Variants in C11orf71 observed in about 807,000 individuals in gnomAD.
The protein encoded by C11orf71 is uncharacterized protein C11orf71.
For missense variants in C11orf71, 179 were observed against 167.6 expected, an observed-to-expected ratio of 1.07 and a Z score of -0.38; for synonymous variants, 72 against 73.4, an observed-to-expected ratio of 0.98 and a Z score of 0.09.
rs777447012 is a variant in C11orf71 at position 114,399,990 on chromosome 11, T to C, written c.342A>G (p.Gly114=). 1.2e-6 allele frequency: 2 copies of C among 1,611,648 alleles called. No individual in the cohort carries two copies. Among genetic ancestry groups the C allele is most frequent in the Non-Finnish European group, 8.5e-7 (1 of 1,177,982 alleles). Reference sequence around the variant, plus strand: ...CTGAAATTCGAGCTGCGATAACACCTCCTAATGCAATCAAACGCTGTTGCA... The same window carrying C: ...CTGAAATTCGAGCTGCGATAACACCCCCTAATGCAATCAAACGCTGTTGCA... ...SVLQQRLIAL[G]GVIAARISV is the part of the protein sequence containing the mutation. The change falls in exon 1 of 1, where the codon GGA becomes GGG. Residue 114 remains glycine (G), a synonymous_variant. Transcript: ENST00000623205.
chr11:114,391,885 C>G (rs1333465544), intron 1 of C11orf71, among the ~76,000 whole-genome samples: 1 of 149,226 alleles, frequency 6.7e-6, no homozygotes, highest in African/African-American at 2.5e-5. Context: ...AGGGATACAT[C>G]AGGGATAGAC....
At chr11:114,396,643 G>T (rs1324711475), downstream of C11orf71, among the ~76,000 whole-genome samples, 1 of 152,150 alleles carries the variant, frequency 6.6e-6, no homozygotes, top group East Asian at 1.9e-4. Flanking sequence ...GCAACTGAAT[G>T]GAAATAGGCA....
At chr11:114,397,196 A>G (rs1591194046), downstream of C11orf71, among the ~76,000 whole-genome samples, 2 of 152,228 alleles carry the variant, frequency 1.3e-5, no homozygotes, top group Non-Finnish European at 2.9e-5. Flanking sequence ...AAAAACTTAC[A>G]GAAGTATAAT....
At chr11:114,396,590 A>G (rs1383196676), downstream of C11orf71, among the ~76,000 whole-genome samples, 2 of 152,252 alleles carry the variant, frequency 1.3e-5, no homozygotes, top group Non-Finnish European at 2.9e-5. Context: ...GATTACAAAA[A>G]GATAACATAA....
chr11:114,397,834 A>G (rs1160951355), downstream of C11orf71, among the ~76,000 whole-genome samples: 3 of 152,136 alleles, frequency 2.0e-5, no homozygotes, highest in East Asian at 5.8e-4. Context: ...AATTGATGGC[A>G]CCCTCTTCCA....
At chr11:114,391,910 GT>G (rs34102225) in intron 1 of C11orf71, among the ~76,000 whole-genome samples, 2,066 of 142,782 alleles carry the variant, frequency 0.014, 38 homozygotes, top group African/African-American at 0.041. Context: ...AGTTAAAGCT[GT>G]TTTTTTTTTT....
intron 1 of C11orf71, among the ~76,000 whole-genome samples, chr11:114,392,548 A>AAAAAAG (rs1461395379): frequency 3.1e-4 from 39 of 124,892 alleles, no homozygotes; most frequent in African/African-American, 1.1e-3. Flanking sequence ...AAAAAAAAAA[A>AAAAAAG]AAGAAGAAGA....
chr11:114,399,697 G>C lies in C11orf71; in HGVS notation c.*263C>G. On this transcript the variant is annotated 3_prime_UTR_variant, in exon 1 of 1. Coordinates refer to ENST00000623205, the MANE Select transcript of C11orf71 (RefSeq NM_001271562.2). ...TGGATTGTTGACCTCTGGGGAGGGT[G>C]CTCCCATCAGCTCAGCTTTGTGACG... 1 of 449,372 alleles carries C rather than the reference G, an allele frequency of 2.2e-6. No individual in the cohort carries two copies. Among genetic ancestry groups the C allele is most frequent in the South Asian group, 4.0e-5 (1 of 24,792 alleles). The allele number at this position is 449,372 out of a possible 1,614,324, so 27.8% of individuals were successfully genotyped here. A position where few individuals can be genotyped will look rare whatever the true frequency, so the allele number is the denominator to read the frequency against.
chr11:114,395,033 C>G (rs184459710), downstream of C11orf71, among the ~76,000 whole-genome samples: 3 of 151,698 alleles, frequency 2.0e-5, no homozygotes, highest in East Asian at 5.8e-4. Context: ...GGAGACATAG[C>G]CTATCCGTGA....
At chr11:114,397,002 A>G (rs1161930733), downstream of C11orf71, among the ~76,000 whole-genome samples, 1 of 152,170 alleles carries the variant, frequency 6.6e-6, no homozygotes, top group East Asian at 1.9e-4. Flanking sequence ...ACAACACAAA[A>G]CAAAAATAAC....
Position 114,400,325 on chromosome 11 carries a change from G to T in C11orf71, c.7C>A (p.Leu3Met). Reference protein sequence around the residue: MALNNVSLSSGDQ... With the variant: MAMNNVSLSSGDQ... ...CCGGAGGACAGGGACACATTGTTCA[G>T]GGCCATATTCAAACACTGCCCGCAG... The change falls in exon 1 of 1, where the codon CTG becomes ATG. Residue 3 changes from leucine (L) to methionine (M), a missense_variant. By Grantham distance (15) the Leu-to-Met change is conservative. Coordinates refer to ENST00000623205, the MANE Select transcript of C11orf71 (RefSeq NM_001271562.2). 6.2e-7 allele frequency: 1 copy of T among 1,604,458 alleles called. No homozygotes were observed. Among genetic ancestry groups the T allele is most frequent in the South Asian group, 1.1e-5 (1 of 89,818 alleles).
chr11:114,391,500 T>C, exon 2 of C11orf71: 1 of 940,446 alleles, frequency 1.1e-6, no homozygotes, highest in East Asian at 2.9e-5. Context: ...GATCATATAA[T>C]ACATACAATT....
At chr11:114,394,265 T>TCTTTTC (rs1946108187), downstream of C11orf71, among the ~76,000 whole-genome samples, 1 of 60,412 alleles carries the variant, frequency 1.7e-5, no homozygotes, top group African/African-American at 1.0e-4. Flanking sequence ...TTCTTTTCTT[T>TCTTTTC]TCTTTTCTTT....
chr11:114,392,469 T>C (rs1453605744), intron 1 of C11orf71, among the ~76,000 whole-genome samples: 1 of 125,656 alleles, frequency 8.0e-6, no homozygotes, highest in African/African-American at 3.2e-5. Context: ...ACCCGGGAGA[T>C]GGAGGTTGCA....
chr11:114,400,342 T>C lies in C11orf71; in HGVS notation c.-11A>G. 6.3e-7 allele frequency: 1 copy of C among 1,593,400 alleles called. No homozygotes were observed. Among genetic ancestry groups the C allele is most frequent in the Non-Finnish European group, 8.6e-7 (1 of 1,169,364 alleles). On this transcript the variant is annotated 5_prime_UTR_variant, in exon 1 of 1. Coordinates refer to ENST00000623205, the MANE Select transcript of C11orf71 (RefSeq NM_001271562.2). ...ATTGTTCAGGGCCATATTCAAACAC[T>C]GCCCGCAGTACTTGCGTTACGTCCC...
chr11:114,395,039 C>T (rs971867582), downstream of C11orf71, among the ~76,000 whole-genome samples: 16 of 151,686 alleles, frequency 1.1e-4, no homozygotes, highest in Middle Eastern at 3.4e-3. Flanking sequence ...ATAGCCTATC[C>T]GTGAAGGTTA....
At chr11:114,394,267 CTTTTCTTTTCTTTTCTTTTCTCTTATT>C (rs1565256714), downstream of C11orf71, among the ~76,000 whole-genome samples, 27 of 63,196 alleles carry the variant, frequency 4.3e-4, 1 homozygote, top group African/African-American at 2.2e-3. Flanking sequence ...CTTTTCTTTT[CTTTTCTTTTCTTTTCTTTTCTCTTATT>C]TTCTTTTCTT....
intron 1 of C11orf71, among the ~76,000 whole-genome samples, chr11:114,392,529 C>CAAAAAAATAAAA (rs1946080429): frequency 1.9e-5 from 1 of 51,688 alleles, no homozygotes; most frequent in Non-Finnish European, 3.4e-5. Flanking sequence ...TAGAATGAGA[C>CAAAAAAATAAAA]AAAAAAAAAA....
chr11:114,400,270 G>C lies in C11orf71; in HGVS notation c.62C>G (p.Ser21Cys). 1 of 1,611,060 alleles carries C rather than the reference G, an allele frequency of 6.2e-7. No homozygotes were observed. Among genetic ancestry groups the C allele is most frequent in the Non-Finnish European group, 8.5e-7 (1 of 1,178,648 alleles). ...CCGCGGTCTGAGGTCGCCATGGGAA[G>C]AGCGGTAGGCCACCCTGCTCCTCTG... ...GDQRSRVAYR[S>C]SHGDLRPRAS... The change falls in exon 1 of 1, where the codon TCT becomes TGT. Residue 21 changes from serine (S) to cysteine (C), a missense_variant. Physicochemically the swap from Ser to Cys is moderately radical, Grantham distance 112 (BLOSUM62 -1). Transcript: ENST00000623205.
Sources: allele counts gnomAD v4.1 joint callset (sites outside exome capture counted in the v4.1 genomes callset), GRCh38; gene constraint gnomAD v4.1.1; transcripts MANE v1.5; gene names NCBI Gene and HGNC (gene_info 2026-07-23, HGNC 2026-07-21).